The following LYRM1 variants were observed in gnomAD, a reference collection of about 807,000 sequenced individuals.
LYRM1 encodes the protein LYR motif-containing protein 1.
Under a neutral mutation model 14.9 loss-of-function variants are expected in LYRM1, and 14 were observed. That is an observed-to-expected ratio of 0.94 (90% confidence interval 0.62 to 1.47). The LOEUF (loss-of-function observed/expected upper bound fraction) is 1.47. Ranked by LOEUF, LYRM1 falls within the 40% of genes most tolerant of loss-of-function variation. LYRM1 has a pLI of 0.00. For synonymous variants in LYRM1, 43 were observed against 56.2 expected (o/e 0.77, Z 1.05); for missense variants, 153 against 149.9 (o/e 1.02, Z -0.11).
rs147140909 is a variant in LYRM1, at chr16:20,915,615, G to A, written c.60G>A (p.Ala20=). 348 of 1,614,126 alleles carry A rather than the reference G, an allele frequency of 2.2e-4. No individual in the cohort carries two copies. In the African/African-American group the frequency reaches 2.5e-3, roughly 11 times the overall value. The change falls in exon 2 of 4, where the codon GCG becomes GCA. Residue 20 remains alanine, a synonymous_variant. Transcript: ENST00000567954. Reference sequence around the variant, plus strand: ...TCTACCGCAGCATTTTCAGGCTTGCGAGGAAATGGCAGGCGACATCAGGGC... The same window carrying A: ...TCTACCGCAGCATTTTCAGGCTTGCAAGGAAATGGCAGGCGACATCAGGGC... The part of the protein sequence containing the change: ...LGLYRSIFRL[A]RKWQATSGQM...
At chr16:20,903,783 G>A (rs964638264) in intron 1 of LYRM1, among the ~76,000 whole-genome samples, 3 of 151,578 alleles carry the variant, frequency 2.0e-5, no homozygotes, top group African/African-American at 7.3e-5. Flanking sequence ...TTATCAGAGA[G>A]TTGGATCAAG....
At chr16:20,906,017 T>A (rs1475098887) in intron 1 of LYRM1, among the ~76,000 whole-genome samples, 5 of 152,240 alleles carry the variant, frequency 3.3e-5, no homozygotes, top group African/African-American at 1.2e-4. Flanking sequence ...ATATTTGTCA[T>A]GTTCCAACTA....
intron 2 of LYRM1, among the ~76,000 whole-genome samples, chr16:20,916,029 C>T (rs1383420807): frequency 6.6e-6 from 1 of 152,062 alleles, no homozygotes; most frequent in Non-Finnish European, 1.5e-5. Flanking sequence ...GTACCAGTTG[C>T]TGGCCACTCC....
At chr16:20,906,426 T>A (rs2269766) in intron 1 of LYRM1, among the ~76,000 whole-genome samples, 1 of 152,142 alleles carries the variant, frequency 6.6e-6, no homozygotes, top group African/African-American at 2.4e-5. Flanking sequence ...CATAAAGTAC[T>A]TGGGAGAGAA....
At position 20,920,115 on chromosome 16, in the gene LYRM1, T is replaced by G. The variant is rs1429606456; in HGVS notation, c.160-7T>G. 6.2e-7 allele frequency: 1 copy of G among 1,602,672 alleles called. No individual in the cohort carries two copies. Among genetic ancestry groups the G allele is most frequent in the East Asian group, 2.2e-5 (1 of 44,782 alleles). On this transcript the variant is annotated splice_polypyrimidine_tract_variant and splice_region_variant and intron_variant, in intron 2 of 3. Transcript: ENST00000567954. Reference sequence around the variant, plus strand: ...TATCAGCCTCATTTCTTTCTCCCTTTTAATAGCTCACGGACACAGACCTAA... The same window carrying G: ...TATCAGCCTCATTTCTTTCTCCCTTGTAATAGCTCACGGACACAGACCTAA...
chr16:20,910,631 AGTT>A (rs1006707343), intron 1 of LYRM1, among the ~76,000 whole-genome samples: 1 of 152,162 alleles, frequency 6.6e-6, no homozygotes, highest in Non-Finnish European at 1.5e-5. Context: ...TGCTTTAGCC[AGTT>A]GTTGTGGCGC....
chr16:20,918,894 T>C (rs965824283), intron 2 of LYRM1, among the ~76,000 whole-genome samples: 1 of 152,160 alleles, frequency 6.6e-6, no homozygotes, highest in South Asian at 2.1e-4. Context: ...GTTCTCTGCA[T>C]TGCTGTTCCT....
intron 2 of LYRM1, 136 bp downstream of exon 2, chr16:20,915,850 TG>T (rs1365919105): frequency 6.8e-6 from 6 of 886,294 alleles, no homozygotes; most frequent in Non-Finnish European, 1.0e-5. Flanking sequence ...AAGGGGCCAG[TG>T]CACAGCTTGG....
chr16:20,923,453 C>G lies in LYRM1; in HGVS notation c.253-547C>G, dbSNP rs991114202. ...GGCCGAGGTTGCAGTGAACTGAGAT[C>G]ATGCCACTGCACTCCAGCCTGGGTG... On this transcript the variant is annotated intron_variant, in intron 3 of 3. Coordinates refer to ENST00000567954, the MANE Select transcript of LYRM1 (RefSeq NM_001128302.3). Among the ~76,000 whole-genome samples, 5 of 141,878 alleles carry G rather than the reference C, an allele frequency of 3.5e-5. No individual in the cohort carries two copies. The South Asian group carries it at 6.7e-4, about 19-fold the overall frequency. The allele number at this position is 141,878 out of a possible 152,430, so 93.1% of individuals were successfully genotyped here. A position where few individuals can be genotyped will look rare whatever the true frequency, so the allele number is the denominator to read the frequency against.
At chr16:20,910,045 A>G (rs950307550) in intron 1 of LYRM1, among the ~76,000 whole-genome samples, 1 of 152,220 alleles carries the variant, frequency 6.6e-6, no homozygotes, top group Non-Finnish European at 1.5e-5. Flanking sequence ...GGGAAGCAGG[A>G]AGATTTTCTG....
intron 3 of LYRM1, chr16:20,920,518 G>A: frequency 3.0e-6 from 1 of 338,620 alleles, no homozygotes; most frequent in Non-Finnish European, 5.5e-6. Context: ...ATTATAAAAG[G>A]CAGGTTTGTT....
intron 1 of LYRM1, among the ~76,000 whole-genome samples, chr16:20,910,660 G>T (rs1258389726): frequency 1.3e-5 from 2 of 152,174 alleles, no homozygotes; most frequent in African/African-American, 2.4e-5. Flanking sequence ...TGAGGTCCCA[G>T]CTACTCTGGA....
intron 1 of LYRM1, among the ~76,000 whole-genome samples, chr16:20,914,393 A>G (rs140586586): frequency 0.013 from 1,973 of 149,840 alleles, 56 homozygotes; most frequent in African/African-American, 0.045. Flanking sequence ...GGTTCAAGCA[A>G]TTCTCCTGAC....
chr16:20,915,846 C>G, intron 2 of LYRM1, 132 bp downstream of exon 2: 1 of 918,332 alleles, frequency 1.1e-6, no homozygotes, highest in Non-Finnish European at 1.6e-6. Flanking sequence ...CAGGAAGGGG[C>G]CAGTGCACAG....
At position 20,924,223 on chromosome 16, in the gene LYRM1, A is replaced by C; in HGVS notation, c.*107A>C. The stretch of plus-strand genomic sequence containing the variant: ...GGGGCAAAAATTCAAATGTCTTCTT[A>C]AAACCTCCACAATTGATTCTCCCCC... On this transcript the variant is annotated 3_prime_UTR_variant, in exon 4 of 4. Transcript: ENST00000567954. 1.6e-6 allele frequency: 1 copy of C among 634,450 alleles called. No homozygotes were observed. The highest frequency in any genetic ancestry group is 2.8e-6 in the Non-Finnish European group (1 of 354,046). The allele number at this position is 634,450 out of a possible 1,614,324, so 39.3% of individuals were successfully genotyped here.
At chr16:20,907,392 A>G (rs1039651522) in intron 1 of LYRM1, among the ~76,000 whole-genome samples, 4 of 151,572 alleles carry the variant, frequency 2.6e-5, no homozygotes, top group African/African-American at 9.7e-5. Flanking sequence ...ATAGAGTCTG[A>G]CTCTGTTGCC....
At chr16:20,903,783 G>T (rs964638264) in intron 1 of LYRM1, among the ~76,000 whole-genome samples, 1 of 151,578 alleles carries the variant, frequency 6.6e-6, no homozygotes, top group Non-Finnish European at 1.5e-5. Context: ...TTATCAGAGA[G>T]TTGGATCAAG....
rs754002476 is a variant in LYRM1 at position 20,915,662 on chromosome 16, A to G, written c.107A>G (p.Glu36Gly). The G allele has an allele frequency of 5.6e-6, 9 of 1,614,192 alleles. No homozygotes were observed. The highest frequency in any genetic ancestry group is 1.7e-5 in the Admixed American group (1 of 60,026). Residue 36 changes from glutamate to glycine, a missense_variant, in exon 2 of 4, where the codon GAA (glutamate) becomes GGA (glycine). Glu to Gly is a moderately conservative substitution (Grantham distance 98, BLOSUM62 -2). Coordinates refer to ENST00000567954, the MANE Select transcript of LYRM1 (RefSeq NM_001128302.3). ...TSGQMEDTIK[E>G]KQYILNEART... ...GGGCAGATGGAAGACACCATCAAAG[A>G]AAAACAGTACATACTAAATGAAGCC...
chr16:20,908,053 G>C (rs1037999086), intron 1 of LYRM1, among the ~76,000 whole-genome samples: 14 of 152,178 alleles, frequency 9.2e-5, no homozygotes, highest in African/African-American at 3.4e-4. Flanking sequence ...GGAAGAGTAA[G>C]GCCTACCAGG....
Sources: allele counts gnomAD v4.1 joint callset (sites outside exome capture counted in the v4.1 genomes callset), GRCh38; gene constraint gnomAD v4.1.1; transcripts MANE v1.5; gene names NCBI Gene and HGNC (gene_info 2026-07-23, HGNC 2026-07-21).